Variants in ZDHHC14 observed in about 807,000 individuals in gnomAD.
ZDHHC14 encodes the protein zDHHC palmitoyltransferase 14.
Under a neutral mutation model 47.7 loss-of-function variants are expected in ZDHHC14, and 16 were observed. That is an observed-to-expected ratio of 0.34 (90% CI 0.23 to 0.51). The LOEUF (loss-of-function observed/expected upper bound fraction) is 0.51, where lower values mean the gene tolerates loss of function less well. Ranked by LOEUF, ZDHHC14 falls within the 20% of genes least tolerant of loss-of-function variation. ZDHHC14 has a pLI of 0.97. For synonymous variants in ZDHHC14, 293 were observed against 278.9 expected, an observed-to-expected ratio of 1.05 and a Z score of -0.50; for missense variants, 515 against 662.5, an observed-to-expected ratio of 0.78 and a Z score of 2.44.
intron 1 of ZDHHC14, among the ~76,000 whole-genome samples, chr6:157,445,388 GA>G (rs1328784371): frequency 3.9e-5 from 6 of 152,162 alleles, no homozygotes; most frequent in East Asian, 3.9e-4. Context: ...AGAAATAGAT[GA>G]AAACCTGGTT....
chr6:157,435,557 T>A (rs1778424097), intron 1 of ZDHHC14, among the ~76,000 whole-genome samples: 1 of 152,046 alleles, frequency 6.6e-6, no homozygotes, highest in Non-Finnish European at 1.5e-5. Context: ...CTTTTTTTTT[T>A]AAGATAGGGT....
chr6:157,625,506 A>G (rs1274655291), intron 3 of ZDHHC14, among the ~76,000 whole-genome samples: 1 of 152,140 alleles, frequency 6.6e-6, no homozygotes, highest in African/African-American at 2.4e-5. Context: ...TGAGAGAGAA[A>G]GACAGTCCAT....
rs543925961 is a variant in ZDHHC14 at position 157,653,588 on chromosome 6, C to T, written c.1029C>T (p.Gly343=). Residue 343 remains glycine (G), a synonymous_variant, in exon 8 of 9, where the codon GGC becomes GGT. Coordinates refer to ENST00000359775, the MANE Select transcript of ZDHHC14 (RefSeq NM_024630.3). ...CGCAGCCAGCAGCACCCTCCAATGG[C>T]ATCACCATGTACGGGGCCACGCAGT... ...DTPQPAAPSN[G]ITMYGATQSQ... 6.2e-7 allele frequency: 1 copy of T among 1,613,988 alleles called. No individual in the cohort carries two copies. Among genetic ancestry groups the T allele is most frequent in the Non-Finnish European group, 8.5e-7 (1 of 1,179,992 alleles).
intron 1 of ZDHHC14, among the ~76,000 whole-genome samples, chr6:157,384,483 T>C (rs1338050612): frequency 6.6e-6 from 1 of 152,254 alleles, no homozygotes. Context: ...GCCGGGATTT[T>C]ATTAGCTGCT....
intron 1 of ZDHHC14, among the ~76,000 whole-genome samples, chr6:157,486,631 C>T (rs1168417946): frequency 6.6e-6 from 1 of 152,116 alleles, no homozygotes; most frequent in African/African-American, 2.4e-5. Flanking sequence ...AGAATCAGAA[C>T]AGACCTGTGA....
At chr6:157,587,930 A>G (rs916981565) in intron 2 of ZDHHC14, among the ~76,000 whole-genome samples, 3 of 152,120 alleles carry the variant, frequency 2.0e-5, no homozygotes, top group Non-Finnish European at 2.9e-5. Context: ...GACCAGCCTG[A>G]GCAACATAGT....
intron 3 of ZDHHC14, among the ~76,000 whole-genome samples, chr6:157,615,893 T>C (rs1784946448): frequency 6.6e-6 from 1 of 152,220 alleles, no homozygotes; most frequent in East Asian, 1.9e-4. Flanking sequence ...GACATAGGTC[T>C]AACTGCTATA....
intron 1 of ZDHHC14, among the ~76,000 whole-genome samples, chr6:157,521,719 C>T (rs1223848326): frequency 2.0e-5 from 3 of 152,218 alleles, no homozygotes; most frequent in African/African-American, 7.2e-5. Context: ...AGGACCATAG[C>T]AGCTTCTTTG....
chr6:157,481,749 T>A (rs1779635224), intron 1 of ZDHHC14, among the ~76,000 whole-genome samples: 1 of 152,256 alleles, frequency 6.6e-6, no homozygotes, highest in Non-Finnish European at 1.5e-5. Context: ...ATTCTTGATA[T>A]TACTTTAGCC....
chr6:157,496,654 C>A (rs1299955293), intron 1 of ZDHHC14, among the ~76,000 whole-genome samples: 1 of 152,142 alleles, frequency 6.6e-6, no homozygotes, highest in African/African-American at 2.4e-5. Flanking sequence ...CACAAGCCAA[C>A]AATGCCAGGA....
chr6:157,399,937 G>C (rs773860976), intron 1 of ZDHHC14, among the ~76,000 whole-genome samples: 1 of 152,194 alleles, frequency 6.6e-6, no homozygotes, highest in Non-Finnish European at 1.5e-5. Flanking sequence ...CATTTGTGTT[G>C]TCACCATCAG....
At chr6:157,509,097 G>T (rs1780399934) in intron 1 of ZDHHC14, among the ~76,000 whole-genome samples, 2 of 152,126 alleles carry the variant, frequency 1.3e-5, no homozygotes, top group South Asian at 4.1e-4. Flanking sequence ...AGTGGGGAGA[G>T]TCTTCCCCAC....
At chr6:157,397,838 G>T (rs1345525357) in intron 1 of ZDHHC14, among the ~76,000 whole-genome samples, 1 of 152,058 alleles carries the variant, frequency 6.6e-6, no homozygotes, top group Non-Finnish European at 1.5e-5. Flanking sequence ...GGTGGGAGGG[G>T]ATTATTTGTC....
intron 3 of ZDHHC14, among the ~76,000 whole-genome samples, chr6:157,593,547 C>T (rs912957306): frequency 1.3e-5 from 2 of 152,204 alleles, no homozygotes; most frequent in Non-Finnish European, 2.9e-5. Context: ...ATCCCCACTC[C>T]TTCTGGGGAC....
At chr6:157,527,096 C>T (rs1781182310) in intron 1 of ZDHHC14, among the ~76,000 whole-genome samples, 1 of 152,160 alleles carries the variant, frequency 6.6e-6, no homozygotes, top group Admixed American at 6.5e-5. Context: ...TGGATCCTCC[C>T]ACACAATGTG....
At chr6:157,627,025 TCTC>T (rs1785460290) in intron 3 of ZDHHC14, among the ~76,000 whole-genome samples, 2 of 152,072 alleles carry the variant, frequency 1.3e-5, no homozygotes, top group Admixed American at 6.6e-5. Flanking sequence ...CTCTGAAATC[TCTC>T]CTCAAGTCCT....
At chr6:157,553,045 C>T (rs1385753951) in intron 2 of ZDHHC14, among the ~76,000 whole-genome samples, 4 of 152,266 alleles carry the variant, frequency 2.6e-5, no homozygotes, top group Admixed American at 6.5e-5. Flanking sequence ...CATTGGGCTC[C>T]GCTCCAAATA....
chr6:157,571,868 A>G (rs1783111819), intron 2 of ZDHHC14, among the ~76,000 whole-genome samples: 1 of 147,572 alleles, frequency 6.8e-6, no homozygotes, highest in South Asian at 2.1e-4. Flanking sequence ...TTAGCTAACT[A>G]GTTGGCTGAC....
At position 157,453,788 on chromosome 6, in the gene ZDHHC14, T is replaced by TTTTTTGTGTGTGTGTGTGTGTGTG. The variant is rs3220439; in HGVS notation, c.245+71523_245+71524insTTTTGTGTGTGTGTGTGTGTGTGT. Among the ~76,000 whole-genome samples, 698 of 148,176 alleles carry TTTTTTGTGTGTGTGTGTGTGTGTG rather than the reference T, an allele frequency of 4.7e-3. 6 individuals are homozygous for TTTTTTGTGTGTGTGTGTGTGTGTG. Among genetic ancestry groups the TTTTTTGTGTGTGTGTGTGTGTGTG allele is most frequent in the African/African-American group, 0.016 (637 of 39,558 alleles). ...TTCTAAGGCCATTGTTTTTTGTGTTTTGTGTGTGTGTGTGTGTGTGTGTGT... is the reference window on the plus strand; with the variant it reads ...TTCTAAGGCCATTGTTTTTTGTGTTTTTTTTGTGTGTGTGTGTGTGTGTGTGTGTGTGTGTGTGTGTGTGTGTGT... On this transcript the variant is annotated intron_variant, in intron 1 of 8. Coordinates refer to ENST00000359775, the MANE Select transcript of ZDHHC14 (RefSeq NM_024630.3).
Sources: gnomAD v4.1 joint callset for allele counts (sites outside exome capture counted in the v4.1 genomes callset) on GRCh38, gnomAD v4.1.1 for gene constraint, MANE v1.5 for transcripts, NCBI Gene and HGNC (gene_info 2026-07-23, HGNC 2026-07-21) for gene names.